The following CHRM3 variants were observed in gnomAD, a reference collection of about 807,000 sequenced individuals.
CHRM3 encodes cholinergic receptor muscarinic 3.
CHRM3 carries 11 observed loss-of-function variants against 41.8 expected under a neutral mutation model. The observed-to-expected ratio is 0.26, with a 90% CI of 0.17 to 0.44. The LOEUF is 0.44. CHRM3 is among the 20% of genes least tolerant of loss of function. CHRM3 has a pLI of 1.00. For missense variants in CHRM3, 571 were observed against 745.4 expected (o/e 0.77, Z 2.72); for synonymous variants, 297 against 301.4 (o/e 0.99, Z 0.15).
chr1:239,526,574 C>T (rs768446880), intron 2 of CHRM3, among the ~76,000 whole-genome samples: 3 of 152,134 alleles, frequency 2.0e-5, no homozygotes, highest in African/African-American at 7.2e-5. Context: ...GACATCTGGC[C>T]TCAGCAAGCA....
intron 4 of CHRM3, among the ~76,000 whole-genome samples, chr1:239,672,213 A>G (rs1034648036): frequency 3.9e-5 from 6 of 152,148 alleles, no homozygotes; most frequent in African/African-American, 9.7e-5. Flanking sequence ...GGACTTGGCA[A>G]TGAGGACGGG....
At chr1:239,561,349 C>T (rs1572714132) in intron 3 of CHRM3, among the ~76,000 whole-genome samples, 1 of 152,176 alleles carries the variant, frequency 6.6e-6, no homozygotes, top group East Asian at 1.9e-4. Flanking sequence ...AGAAGTTCCC[C>T]TTCATCTCGT....
intron 4 of CHRM3, among the ~76,000 whole-genome samples, chr1:239,663,542 G>C (rs555816135): frequency 6.6e-6 from 1 of 152,226 alleles, no homozygotes; most frequent in South Asian, 2.1e-4. Context: ...AATTTGTAGT[G>C]TACTGCCCAC....
intron 6 of CHRM3, among the ~76,000 whole-genome samples, chr1:239,900,654 G>A (rs905738055): frequency 6.6e-5 from 10 of 152,140 alleles, no homozygotes; most frequent in Admixed American, 3.3e-4. Context: ...TACCTCACCT[G>A]GGCTGTCGAG....
intron 5 of CHRM3, among the ~76,000 whole-genome samples, chr1:239,822,787 G>C (rs1572404152): frequency 6.6e-6 from 1 of 152,182 alleles, no homozygotes; most frequent in African/African-American, 2.4e-5. Flanking sequence ...GACATGGAAA[G>C]GGGATTTTCA....
At chr1:239,552,930 C>T (rs993413255) in intron 3 of CHRM3, among the ~76,000 whole-genome samples, 3 of 151,974 alleles carry the variant, frequency 2.0e-5, no homozygotes, top group Non-Finnish European at 4.4e-5. Context: ...TTCTTTTTAA[C>T]GAAAAGACTT....
chr1:239,746,973 G>C (rs1264548507), intron 5 of CHRM3, among the ~76,000 whole-genome samples: 1 of 151,858 alleles, frequency 6.6e-6, no homozygotes, highest in African/African-American at 2.4e-5. Flanking sequence ...GGCCAGGATG[G>C]TCTTGATCTC....
In CHRM3 at chr1:239,854,835, T is replaced by C. The variant is rs1383114820; in HGVS notation, c.-20+27457T>C. On this transcript the variant is annotated intron_variant, in intron 6 of 6. Transcript: ENST00000676153. ...TTTCCATCATTCTTTTAAAGCTTAA[T>C]ACTGAAAAAATTCAAAAGAATTCAG... Among the ~76,000 whole-genome samples the C allele has an allele frequency of 2.6e-5, 4 of 152,294 alleles. No individual in the cohort carries two copies. In the East Asian group the frequency reaches 7.7e-4, roughly 29 times the overall value.
intron 1 of CHRM3, among the ~76,000 whole-genome samples, chr1:239,420,151 T>G (rs1661834653): frequency 6.6e-6 from 1 of 152,196 alleles, no homozygotes; most frequent in Non-Finnish European, 1.5e-5. Context: ...GCTCTCTCAT[T>G]GAACCCCATC....
chr1:239,598,901 C>T (rs994211507), intron 3 of CHRM3, among the ~76,000 whole-genome samples: 34 of 151,362 alleles, frequency 2.2e-4, no homozygotes, highest in African/African-American at 6.8e-4. Flanking sequence ...GAGGCCACCA[C>T]GCATGGACGC....
chr1:239,633,759 G>A (rs907153361), intron 4 of CHRM3, among the ~76,000 whole-genome samples: 2 of 120,478 alleles, frequency 1.7e-5, no homozygotes, highest in Admixed American at 1.0e-4. Flanking sequence ...AACAAAAGCC[G>A]AACTGGGGAT....
At chr1:239,851,483 C>G (rs1033382469) in intron 6 of CHRM3, among the ~76,000 whole-genome samples, 3 of 152,190 alleles carry the variant, frequency 2.0e-5, no homozygotes, top group Non-Finnish European at 4.4e-5. Context: ...TTATCACCCT[C>G]ACTTTGAGAA....
At chr1:239,901,599 T>C (rs1273936376) in intron 6 of CHRM3, among the ~76,000 whole-genome samples, 1 of 152,156 alleles carries the variant, frequency 6.6e-6, no homozygotes, top group Admixed American at 6.5e-5. Flanking sequence ...TAAACTAAAT[T>C]TTATCGTGTT....
chr1:239,823,362 G>C (rs550608946), intron 5 of CHRM3, among the ~76,000 whole-genome samples: 41 of 152,234 alleles, frequency 2.7e-4, no homozygotes, highest in Middle Eastern at 3.4e-3. Context: ...GGTGCCTTGA[G>C]CAGGATGGTA....
chr1:239,535,613 C>T (rs566701458), intron 2 of CHRM3, among the ~76,000 whole-genome samples: 225 of 151,652 alleles, frequency 1.5e-3, no homozygotes, highest in Non-Finnish European at 3.0e-3. Flanking sequence ...TTTTGTGTTG[C>T]TCTTGAGTTT....
At chr1:239,469,909 A>G (rs1171447690) in intron 1 of CHRM3, among the ~76,000 whole-genome samples, 3 of 152,134 alleles carry the variant, frequency 2.0e-5, no homozygotes. Context: ...CAAAACCACC[A>G]TGCATTTCCC....
intron 5 of CHRM3, among the ~76,000 whole-genome samples, chr1:239,713,837 A>G (rs903401688): frequency 1.3e-5 from 2 of 152,202 alleles, no homozygotes; most frequent in Non-Finnish European, 2.9e-5. Context: ...CACCTTATTT[A>G]AGTATAAAAA....
intron 5 of CHRM3, among the ~76,000 whole-genome samples, chr1:239,726,642 C>G (rs1004815929): frequency 6.6e-6 from 1 of 151,816 alleles, no homozygotes; most frequent in Non-Finnish European, 1.5e-5. Context: ...ATCTAGTGTA[C>G]AGAACACTTG....
intron 1 of CHRM3, among the ~76,000 whole-genome samples, chr1:239,488,929 T>C (rs1438100616): frequency 2.0e-5 from 3 of 152,074 alleles, no homozygotes; most frequent in Non-Finnish European, 2.9e-5. Flanking sequence ...AGTAGTTACT[T>C]CTAGAAAATA....
Sources: gnomAD v4.1 joint callset for allele counts (sites outside exome capture counted in the v4.1 genomes callset) on GRCh38, gnomAD v4.1.1 for gene constraint, MANE v1.5 for transcripts, NCBI Gene and HGNC (gene_info 2026-07-23, HGNC 2026-07-21) for gene names.